Variants in RUNX2 observed in about 807,000 individuals in gnomAD.
The protein encoded by RUNX2 is RUNX family transcription factor 2.
In RUNX2, 10 loss-of-function variants were observed where a neutral mutation model predicts 51.7. The observed-to-expected ratio is 0.19, with a 90% confidence interval of 0.12 to 0.33. The LOEUF is 0.33. Among genes scored for constraint, RUNX2 ranks in the 10% least tolerant of loss-of-function variants. The pLI, the probability that RUNX2 is intolerant of heterozygous loss-of-function variation, is 1.00. For synonymous variants in RUNX2, 276 were observed against 273.6 expected, an observed-to-expected ratio of 1.01 and a Z score of -0.09; for missense variants, 562 against 691.3, an observed-to-expected ratio of 0.81 and a Z score of 2.10.
intron 2 of RUNX2, among the ~76,000 whole-genome samples, chr6:45,381,086 T>C (rs1308570849): frequency 6.6e-6 from 1 of 152,262 alleles, no homozygotes; most frequent in African/African-American, 2.4e-5. Context: ...GATTGCATAT[T>C]GTTTAGAACC....
chr6:45,437,883 G>A (rs942778389), intron 4 of RUNX2, 64 bp from the exon 5 acceptor site: 1 of 1,167,202 alleles, frequency 8.6e-7, no homozygotes, highest in Non-Finnish European at 1.3e-6. Context: ...AATCTATGCT[G>A]CTGTGTAATC....
intron 2 of RUNX2, among the ~76,000 whole-genome samples, chr6:45,340,818 T>C (rs1789631395): frequency 6.6e-6 from 1 of 152,142 alleles, no homozygotes; most frequent in Non-Finnish European, 1.5e-5. Context: ...AATAATCTTG[T>C]ATCATAAATA....
At chr6:45,367,690 A>C (rs1298036582) in intron 2 of RUNX2, among the ~76,000 whole-genome samples, 1 of 152,180 alleles carries the variant, frequency 6.6e-6, no homozygotes, top group Non-Finnish European at 1.5e-5. Flanking sequence ...ATTTGAGTTG[A>C]CTTGTCTGAT....
intron 5 of RUNX2, among the ~76,000 whole-genome samples, chr6:45,465,404 G>A (rs372922327): frequency 1.3e-5 from 2 of 151,920 alleles, no homozygotes; most frequent in African/African-American, 4.8e-5. Flanking sequence ...AATATTATTG[G>A]TCAAGAGTCC....
intron 6 of RUNX2, among the ~76,000 whole-genome samples, chr6:45,506,799 C>A (rs1800981161): frequency 1.3e-5 from 2 of 151,950 alleles, no homozygotes; most frequent in East Asian, 1.9e-4. Flanking sequence ...TTTCACTGCA[C>A]CCGGATAATT....
intron 5 of RUNX2, among the ~76,000 whole-genome samples, chr6:45,458,669 C>T (rs1050228467): frequency 1.3e-5 from 2 of 152,184 alleles, no homozygotes; most frequent in African/African-American, 2.4e-5. Flanking sequence ...GAAAAATAAA[C>T]TGCGAATGGA....
intron 2 of RUNX2, among the ~76,000 whole-genome samples, chr6:45,419,758 T>G (rs12197755): frequency 0.17 from 25,847 of 152,122 alleles, 2,717 homozygotes; most frequent in Non-Finnish European, 0.25. Flanking sequence ...TTCCAGTTGG[T>G]CCGGTCTGGC....
intron 5 of RUNX2, among the ~76,000 whole-genome samples, chr6:45,455,912 CATACTTTTAGTTTTTG>C (rs1799305401): frequency 6.6e-6 from 1 of 152,116 alleles, no homozygotes; most frequent in Non-Finnish European, 1.5e-5. Flanking sequence ...GAGAGGTAAT[CATACTTTTAGTTTTTG>C]ATAATTTAGA....
chr6:45,498,273 T>C (rs79102660), intron 6 of RUNX2, among the ~76,000 whole-genome samples: 8,972 of 152,262 alleles, frequency 0.059, 381 homozygotes, highest in Middle Eastern at 0.11. Flanking sequence ...ATTCTAAAGG[T>C]ACATATTTCA....
chr6:45,504,136 AG>A lies in RUNX2; in HGVS notation c.860-8104del, dbSNP rs1800883700. Among the ~76,000 whole-genome samples, 3 of 152,078 alleles carry A rather than the reference AG, an allele frequency of 2.0e-5. No individual in the cohort carries two copies. The South Asian group carries it at 6.2e-4, about 32-fold the overall frequency. On this transcript the variant is annotated intron_variant, in intron 6 of 8. Transcript: ENST00000647337. The stretch of plus-strand genomic sequence containing the variant: ...TTGGAGAAGGCCCTTGGTGGGGACA[AG>A]GGGGGTCCGCACCTTGCTCTTGGGG...
rs1041443229 is a variant in RUNX2, at chr6:45,460,421, G to A, written c.685+22370G>A. Among the ~76,000 whole-genome samples the A allele has an allele frequency of 3.3e-5, 5 of 152,228 alleles. No individual in the cohort carries two copies. The East Asian group carries it at 9.6e-4, about 29-fold the overall frequency. The stretch of plus-strand genomic sequence containing the variant: ...TGATCTTGGCAAAAAAGATGTCAGT[G>A]CAAGGATAGATTCAAAAGATCATTT... On this transcript the variant is annotated intron_variant, in intron 5 of 8. Transcript: ENST00000647337.
chr6:45,378,751 T>C (rs1457072082), intron 2 of RUNX2, among the ~76,000 whole-genome samples: 1 of 152,144 alleles, frequency 6.6e-6, no homozygotes, highest in African/African-American at 2.4e-5. Context: ...CTGTACATTC[T>C]GTCCTGCCAC....
chr6:45,409,617 A>T (rs1358111716), intron 2 of RUNX2, among the ~76,000 whole-genome samples: 1 of 152,232 alleles, frequency 6.6e-6, no homozygotes, highest in African/African-American at 2.4e-5. Context: ...ATTCCCAACA[A>T]GATGTAAGAA....
chr6:45,472,248 A>ATACCTTTT (rs1799824414), intron 5 of RUNX2, among the ~76,000 whole-genome samples: 1 of 152,212 alleles, frequency 6.6e-6, no homozygotes, highest in African/African-American at 2.4e-5. Context: ...CTGGAAAGGA[A>ATACCTTTT]AGTGAGCAGA....
chr6:45,498,329 A>G (rs1476136634), intron 6 of RUNX2, among the ~76,000 whole-genome samples: 5 of 152,226 alleles, frequency 3.3e-5, no homozygotes, highest in African/African-American at 1.2e-4. Context: ...GCTGAAGGCT[A>G]CTTCAGCTAT....
chr6:45,522,282 A>G (rs1046641660), intron 7 of RUNX2, among the ~76,000 whole-genome samples: 1 of 152,240 alleles, frequency 6.6e-6, no homozygotes, highest in Non-Finnish European at 1.5e-5. Flanking sequence ...CATAAAGCAA[A>G]TGTGATGGTT....
intron 7 of RUNX2, among the ~76,000 whole-genome samples, chr6:45,538,996 A>G (rs1802132830): frequency 6.6e-6 from 1 of 152,136 alleles, no homozygotes; most frequent in South Asian, 2.1e-4. Context: ...ATCAAGGCCT[A>G]GCAGGAAGAT....
intron 2 of RUNX2, among the ~76,000 whole-genome samples, chr6:45,366,916 A>T (rs1795232013): frequency 6.6e-6 from 1 of 152,096 alleles, no homozygotes; most frequent in Admixed American, 6.6e-5. Flanking sequence ...CATTCTCCAT[A>T]CTGCTGCCAA....
chr6:45,438,386 G>GAA (rs1348859784), intron 5 of RUNX2, among the ~76,000 whole-genome samples: 1 of 152,182 alleles, frequency 6.6e-6, no homozygotes, highest in Non-Finnish European at 1.5e-5. Flanking sequence ...AGCTGAGGAA[G>GAA]AAAAGAGCAA....
Sources: allele counts gnomAD v4.1 joint callset (sites outside exome capture counted in the v4.1 genomes callset), GRCh38; gene constraint gnomAD v4.1.1; transcripts MANE v1.5; gene names NCBI Gene and HGNC (gene_info 2026-07-23, HGNC 2026-07-21).